Variants in LRRC71 observed in about 807,000 individuals in gnomAD.
LRRC71 encodes the protein leucine rich repeat containing 71, also known as leucine-rich repeat-containing protein 71.
A neutral mutation model predicts 66.6 loss-of-function variants in LRRC71; 54 were observed. The ratio of observed to expected loss-of-function variants is 0.81; its 90% confidence interval spans 0.65 to 1.02. The LOEUF (loss-of-function observed/expected upper bound fraction) is 1.02, where lower values mean the gene tolerates loss of function less well. Among genes scored for constraint, LRRC71 ranks in the 50% least tolerant of loss-of-function variants. The pLI, the probability that LRRC71 is intolerant of heterozygous loss-of-function variation, is 0.00. For missense variants in LRRC71, 724 were observed against 718.0 expected, an observed-to-expected ratio of 1.01 and a Z score of -0.10; for synonymous variants, 323 against 303.9, an observed-to-expected ratio of 1.06 and a Z score of -0.65.
In LRRC71 at chr1:156,925,024, ACTGGGAGGCCC is replaced by A; in HGVS notation, c.593+11_593+21del. ...TGTTCATCCACGCTCAGGTCAGCAG[ACTGGGAGGCCC>A]CCTGTGCCTGGGAAGCCTGGCTGGG... is the stretch of plus-strand genomic sequence containing the variant. On this transcript the variant is annotated intron_variant, in intron 5 of 14. Transcript: ENST00000337428. The A allele has an allele frequency of 6.4e-7, 1 of 1,551,548 alleles. No homozygotes were observed. The highest frequency in any genetic ancestry group is 8.7e-7 in the Non-Finnish European group (1 of 1,146,938).
At chr1:156,922,999 C>T (rs1365885473) in intron 1 of LRRC71, among the ~76,000 whole-genome samples, 3 of 152,194 alleles carry the variant, frequency 2.0e-5, no homozygotes, top group South Asian at 2.1e-4. Context: ...TTACCTGCTT[C>T]GCCCATTTGG....
the LRRC71 span, chr1:156,939,504 G>C: frequency 1.2e-6 from 2 of 1,602,404 alleles, no homozygotes; most frequent in Non-Finnish European, 1.7e-6. Flanking sequence ...ATCTCACCTA[G>C]CAAGGGTGCT....
chr1:156,932,381 G>C (rs1482204116), intron 13 of LRRC71, 43 bp from the exon 14 acceptor site: 2 of 1,522,218 alleles, frequency 1.3e-6, no homozygotes, highest in African/African-American at 2.8e-5. Context: ...GTGCCAATGA[G>C]GCCTGTGGTG....
intron 9 of LRRC71, among the ~76,000 whole-genome samples, chr1:156,928,330 T>C (rs564844808): frequency 3.4e-5 from 5 of 147,974 alleles, no homozygotes; most frequent in African/African-American, 1.2e-4. Flanking sequence ...TTCTTCTTTC[T>C]TTTTTCTTTC....
Position 156,927,605 on chromosome 1 carries a change from A to T in LRRC71, c.772A>T (p.Asn258Tyr), listed in dbSNP as rs1425612286. 1.2e-6 allele frequency: 2 copies of T among 1,601,718 alleles called. No individual in the cohort carries two copies. Among genetic ancestry groups the T allele is most frequent in the Non-Finnish European group, 1.7e-6 (2 of 1,173,944 alleles). Residue 258 changes from asparagine (N) to tyrosine (Y), a missense_variant, in exon 7 of 15, where the codon AAC (asparagine) becomes TAC (tyrosine). Coordinates refer to ENST00000337428, the MANE Select transcript of LRRC71 (RefSeq NM_144702.3). The stretch of plus-strand genomic sequence containing the variant: ...CTGCAACCGGACCCTCGTCTCGCTC[A>T]ACCTGGGTTTCAACCACATCGGTGA... ...HSCNRTLVSLNLGFNHIGDEG... is the reference protein window; with the variant it reads ...HSCNRTLVSLYLGFNHIGDEG...
chr1:156,932,980 C>T lies in LRRC71; in HGVS notation c.*11C>T. 1 of 1,548,584 alleles carries T rather than the reference C, an allele frequency of 6.5e-7. No individual in the cohort carries two copies. The highest frequency in any genetic ancestry group is 8.7e-7 in the Non-Finnish European group (1 of 1,143,512). ...GCATTCTTCCCCTAGCCCCCTCCCA[C>T]CTGCTTGCCTCTAAGACTCGGGGCT... On this transcript the variant is annotated 3_prime_UTR_variant, in exon 15 of 15. Transcript: ENST00000337428.
chr1:156,936,500 ATATATATATATAT>A (rs1655323538), downstream of LRRC71, among the ~76,000 whole-genome samples: 3 of 101,476 alleles, frequency 3.0e-5, no homozygotes, highest in African/African-American at 1.5e-4. Flanking sequence ...AAAAAAAAAT[ATATATATATATAT>A]ATATATATAT....
Position 156,920,896 on chromosome 1 carries a change from G to T in LRRC71, c.93G>T (p.Glu31Asp). The T allele has an allele frequency of 6.5e-7, 1 of 1,540,518 alleles. No individual in the cohort carries two copies. The highest frequency in any genetic ancestry group is 8.8e-7 in the Non-Finnish European group (1 of 1,142,738). The part of the protein sequence containing the change: ...KSSGAVTKKG[E>D]RAAKEKPATV... ...CTGGCGCGGTGACCAAAAAGGGAGA[G>T]CGCGCGGCCAAAGAGAAGCCAGCGA... The change falls in exon 1 of 15, where the codon GAG becomes GAT. Residue 31 changes from glutamate (E) to aspartate (D), a missense_variant. Transcript: ENST00000337428. The surrounding 1 kb of genome is among the most constrained non-coding windows in gnomAD (Gnocchi z 4.9).
At chr1:156,934,537 ATGTG>A (rs763839185), downstream of LRRC71, among the ~76,000 whole-genome samples, 5 of 151,678 alleles carry the variant, frequency 3.3e-5, no homozygotes, top group Non-Finnish European at 7.4e-5. Flanking sequence ...GTGTATATAT[ATGTG>A]TGTGTGTGTG....
chr1:156,928,177 G>A (rs1181944874), intron 9 of LRRC71, among the ~76,000 whole-genome samples, 173 bp downstream of exon 9: 5 of 152,134 alleles, frequency 3.3e-5, no homozygotes, highest in South Asian at 2.1e-4. Flanking sequence ...CTGCTGGGGG[G>A]GCTCTAATTG....
chr1:156,938,290 TC>T, the LRRC71 span: 1 of 813,148 alleles, frequency 1.2e-6, no homozygotes, highest in Non-Finnish European at 1.9e-6. Context: ...ATCTTCCTCC[TC>T]CCCATTCCAG....
intron 12 of LRRC71, 26 bp downstream of exon 12, chr1:156,930,643 AG>A: frequency 6.5e-7 from 1 of 1,545,252 alleles, no homozygotes; most frequent in Non-Finnish European, 8.8e-7. Context: ...GAGTGGAGGC[AG>A]GGGGCACACC....
At chr1:156,937,465 T>C (rs1036729731), downstream of LRRC71, 2 of 1,533,868 alleles carry the variant, frequency 1.3e-6, no homozygotes, top group Non-Finnish European at 1.7e-6. Context: ...AGTCCGGGGG[T>C]CCTGATGGCA....
In LRRC71 at chr1:156,924,951, G is replaced by T; in HGVS notation, c.529G>T (p.Gly177Trp). The part of the protein sequence containing the change: ...QLQAINLWKV[G>W]LTDKTLTTFI... ...CGCCCACGACAGCTTGTGGAAGGTG[G>T]GGCTGACCGATAAGACCCTGACCAC... Residue 177 changes from glycine (G) to tryptophan (W), a missense_variant, in exon 5 of 15, where the codon GGG (glycine) becomes TGG (tryptophan). By Grantham distance (184) the Gly-to-Trp change is radical. Coordinates refer to ENST00000337428, the MANE Select transcript of LRRC71 (RefSeq NM_144702.3). 1.9e-6 allele frequency: 3 copies of T among 1,551,694 alleles called. No homozygotes were observed. Among genetic ancestry groups the T allele is most frequent in the Non-Finnish European group, 2.6e-6 (3 of 1,146,986 alleles).
chr1:156,940,964 C>G, the LRRC71 span, among the ~76,000 whole-genome samples: 2 of 152,194 alleles, frequency 1.3e-5, no homozygotes, highest in Non-Finnish European at 2.9e-5. Flanking sequence ...CCAATCCCAT[C>G]ACAGTAACTG....
intron 13 of LRRC71, 73 bp from the exon 14 acceptor site, chr1:156,932,351 G>T: frequency 1.6e-6 from 2 of 1,234,214 alleles, no homozygotes; most frequent in South Asian, 2.6e-5. Context: ...CTGGGATGCT[G>T]GGGATGTCTG....
At position 156,932,476 on chromosome 1, in the gene LRRC71, T is replaced by C. The variant is rs1307256526; in HGVS notation, c.1494T>C (p.Tyr498=). The change falls in exon 14 of 15, where the codon TAT becomes TAC. Residue 498 remains tyrosine (Y), a synonymous_variant. Transcript: ENST00000337428. The part of the protein sequence containing the change: ...GLEGFLATVQ[Y]QMQFSKAKSA... ...AGGGCTTCCTCGCCACGGTGCAGTATCAGATGCAGTTCTCCAAGGCCAAGA... is the reference window on the plus strand; with the variant it reads ...AGGGCTTCCTCGCCACGGTGCAGTACCAGATGCAGTTCTCCAAGGCCAAGA... 1 of 1,613,878 alleles carries C rather than the reference T, an allele frequency of 6.2e-7. No homozygotes were observed. Among genetic ancestry groups the C allele is most frequent in the Non-Finnish European group, 8.5e-7 (1 of 1,179,862 alleles).
downstream of LRRC71, chr1:156,937,293 A>C (rs756478981): frequency 5.0e-6 from 8 of 1,613,902 alleles, no homozygotes; most frequent in Middle Eastern, 3.3e-4. Flanking sequence ...ATGGTATGGA[A>C]GATCATGCCC....
chr1:156,932,156 GCT>G (rs1654469861), intron 13 of LRRC71, 129 bp downstream of exon 13: 2 of 796,840 alleles, frequency 2.5e-6, no homozygotes, highest in Non-Finnish European at 4.1e-6. Context: ...GTCCCCCAAG[GCT>G]CTCTGGCACA....
Sources: gnomAD v4.1 joint callset for allele counts (sites outside exome capture counted in the v4.1 genomes callset) on GRCh38, gnomAD v4.1.1 for gene constraint, Gnocchi (gnomAD v3.1) non-coding constraint, MANE v1.5 for transcripts, NCBI Gene and HGNC (gene_info 2026-07-23, HGNC 2026-07-21) for gene names.